The following HTR4 variants were observed in gnomAD, a reference collection of about 807,000 sequenced individuals.
The protein encoded by HTR4 is 5-hydroxytryptamine receptor 4, also known as 5-hydroxytryptamine (serotonin) receptor 4, G protein-coupled.
HTR4 carries 16 observed loss-of-function variants against 36.8 expected under a neutral mutation model. The observed-to-expected ratio is 0.43, with a 90% confidence interval of 0.29 to 0.66. HTR4 has a LOEUF of 0.66. Among genes scored for constraint, HTR4 ranks in the 30% least tolerant of loss-of-function variants. The pLI is 0.13. For missense variants in HTR4, 438 were observed against 490.9 expected (o/e 0.89, Z 1.02); for synonymous variants, 189 against 185.1 (o/e 1.02, Z -0.17).
intron 4 of HTR4, among the ~76,000 whole-genome samples, chr5:148,548,262 T>C (rs920337947): frequency 2.3e-4 from 35 of 152,214 alleles, no homozygotes; most frequent in African/African-American, 8.4e-4. Context: ...GAAAAGGTTA[T>C]GTTCAAACAT....
downstream of HTR4, chr5:148,481,348 C>T (rs949806194): frequency 7.1e-6 from 4 of 566,174 alleles, no homozygotes; most frequent in African/African-American, 7.6e-5. Flanking sequence ...TCATATGTGA[C>T]AAGAATGGTT....
chr5:148,636,825 CA>C, intron 2 of HTR4, among the ~76,000 whole-genome samples, 163 bp downstream of exon 2: 1 of 152,146 alleles, frequency 6.6e-6, no homozygotes, highest in Non-Finnish European at 1.5e-5. Context: ...ACAGAAATGA[CA>C]AAACACTAAT....
intron 2 of HTR4, among the ~76,000 whole-genome samples, chr5:148,631,519 A>AT (rs1311974941): frequency 3.3e-5 from 5 of 152,162 alleles, no homozygotes; most frequent in African/African-American, 1.2e-4. Flanking sequence ...ACACACATTG[A>AT]TTTTTTAAAT....
intron 2 of HTR4, among the ~76,000 whole-genome samples, chr5:148,551,225 G>A (rs1453918838): frequency 6.6e-6 from 1 of 152,170 alleles, no homozygotes; most frequent in Non-Finnish European, 1.5e-5. Flanking sequence ...AGAAGCTTCT[G>A]CTTACAGGTA....
At chr5:148,456,023 G>A (rs1451706869) in intron 5 of HTR4, among the ~76,000 whole-genome samples, 7 of 152,024 alleles carry the variant, frequency 4.6e-5, no homozygotes, top group East Asian at 1.9e-4. Context: ...TCAAACCCAC[G>A]TTGTTCAAGG....
chr5:148,586,420 C>T (rs1215097188), intron 2 of HTR4, among the ~76,000 whole-genome samples: 6 of 151,876 alleles, frequency 4.0e-5, no homozygotes, highest in African/African-American at 7.3e-5. Flanking sequence ...CAAAGTTACT[C>T]GAACCCTTTA....
In HTR4 at chr5:148,482,107, A is replaced by G. The variant is rs199700317; in HGVS notation, c.*1096T>C. On this transcript the variant is annotated 3_prime_UTR_variant, in exon 7 of 7. Transcript: ENST00000377888. ...CTCACAGCTTGTTTGCAGCACAGCC[A>G]GGGCGGCAATTTGGGTCCTCTGGCT... 10 of 984,784 alleles carry G rather than the reference A, an allele frequency of 1.0e-5. No individual in the cohort carries two copies. The South Asian group carries it at 4.7e-4, about 46-fold the overall frequency. The allele number at this position is 984,784 out of a possible 1,614,324, so 61.0% of individuals were successfully genotyped here.
intron 5 of HTR4, among the ~76,000 whole-genome samples, chr5:148,451,854 C>T (rs996897121): frequency 6.6e-6 from 1 of 152,200 alleles, no homozygotes; most frequent in Admixed American, 6.5e-5. Flanking sequence ...TCTGCCGTAT[C>T]ATACAATTGC....
intron 5 of HTR4, among the ~76,000 whole-genome samples, chr5:148,516,257 A>G (rs1030866595): frequency 1.3e-5 from 2 of 149,052 alleles, no homozygotes; most frequent in African/African-American, 5.0e-5. Context: ...TTATCATTAT[A>G]CTTATTTATT....
intron 2 of HTR4, among the ~76,000 whole-genome samples, chr5:148,599,603 T>C (rs1761907387): frequency 6.6e-6 from 1 of 152,100 alleles, no homozygotes; most frequent in Admixed American, 6.6e-5. Context: ...TTTGTCATCA[T>C]ATCTAGTACT....
At chr5:148,631,417 A>G (rs902913533) in intron 2 of HTR4, among the ~76,000 whole-genome samples, 4 of 152,174 alleles carry the variant, frequency 2.6e-5, no homozygotes, top group Non-Finnish European at 4.4e-5. Flanking sequence ...AAAGTTGCAC[A>G]TGTTCACAAT....
chr5:148,646,168 T>C (rs1453111828), intron 1 of HTR4: 2 of 152,220 alleles, frequency 1.3e-5, no homozygotes, highest in African/African-American at 2.4e-5. Flanking sequence ...ATGAAAATGA[T>C]TCCTGGAGAG....
intron 5 of HTR4, among the ~76,000 whole-genome samples, chr5:148,513,348 T>C (rs1231352282): frequency 6.6e-6 from 1 of 152,190 alleles, no homozygotes; most frequent in Non-Finnish European, 1.5e-5. Flanking sequence ...TGGTATGATG[T>C]ACAAGATATG....
At chr5:148,634,018 AG>A (rs1178635894) in intron 2 of HTR4, among the ~76,000 whole-genome samples, 9 of 152,336 alleles carry the variant, frequency 5.9e-5, no homozygotes, top group African/African-American at 1.9e-4. Flanking sequence ...AAGCTGAATT[AG>A]AAAACTCAAT....
At chr5:148,580,668 C>T (rs1350291218) in intron 2 of HTR4, among the ~76,000 whole-genome samples, 1 of 152,052 alleles carries the variant, frequency 6.6e-6, no homozygotes, top group Non-Finnish European at 1.5e-5. Context: ...TAATGTCTTC[C>T]AGGTTTATAC....
chr5:148,539,491 A>C (rs935647180), intron 4 of HTR4, among the ~76,000 whole-genome samples: 1 of 152,230 alleles, frequency 6.6e-6, no homozygotes, highest in Admixed American at 6.5e-5. Context: ...TCTAATATCC[A>C]GCATTTATAA....
intron 5 of HTR4, 128 bp from the exon 6 acceptor site, chr5:148,510,152 G>A: frequency 1.6e-6 from 1 of 615,014 alleles, no homozygotes; most frequent in South Asian, 2.3e-5. Context: ...GTGGAGGATT[G>A]GAAGATAAAA....
chr5:148,515,295 G>T (rs191767137), intron 5 of HTR4, among the ~76,000 whole-genome samples: 1 of 152,106 alleles, frequency 6.6e-6, no homozygotes, highest in African/African-American at 2.4e-5. Context: ...CCCCACGCCT[G>T]CCTTTTATGC....
At chr5:148,545,241 A>T (rs1759330526) in intron 4 of HTR4, among the ~76,000 whole-genome samples, 1 of 152,252 alleles carries the variant, frequency 6.6e-6, no homozygotes, top group South Asian at 2.1e-4. Context: ...CTGATATCTT[A>T]CTTATGGTAT....
Sources: gnomAD v4.1 joint callset for allele counts (sites outside exome capture counted in the v4.1 genomes callset) on GRCh38, gnomAD v4.1.1 for gene constraint, MANE v1.5 for transcripts, NCBI Gene and HGNC (gene_info 2026-07-23, HGNC 2026-07-21) for gene names.